Variants in SLC25A32 observed in about 807,000 individuals in gnomAD.
SLC25A32 encodes the protein solute carrier family 25 member 32.
Under a neutral mutation model 39.0 loss-of-function variants are expected in SLC25A32, and 32 were observed. The observed-to-expected ratio is 0.82, with a 90% CI of 0.62 to 1.10. The LOEUF is 1.10. Among genes scored for constraint, SLC25A32 ranks in the 50% least tolerant of loss-of-function variants. The probability of loss-of-function intolerance (pLI) is 0.00; values close to 1 mark genes in which losing one functional copy is unlikely to be tolerated. For synonymous variants in SLC25A32, 166 were observed against 152.4 expected (o/e 1.09, Z -0.66); for missense variants, 367 against 395.3 (o/e 0.93, Z 0.61).
chr8:103,402,073 T>A lies in SLC25A32; in HGVS notation c.553-19A>T. On this transcript the variant is annotated intron_variant, in intron 4 of 6. Transcript: ENST00000297578. Reference sequence around the variant, plus strand: ...CAAATCCCTACAAGGGAATGATTTTTAAAAAGCAAAACAACATACGTTTGA... The same window carrying A: ...CAAATCCCTACAAGGGAATGATTTTAAAAAAGCAAAACAACATACGTTTGA... The A allele has an allele frequency of 4.5e-6, 7 of 1,545,050 alleles. No individual in the cohort carries two copies. Among genetic ancestry groups the A allele is most frequent in the Non-Finnish European group, 6.2e-6 (7 of 1,132,134 alleles).
intron 3 of SLC25A32, among the ~76,000 whole-genome samples, chr8:103,403,607 GC>G (rs1272741538): frequency 6.6e-6 from 1 of 152,082 alleles, no homozygotes; most frequent in Non-Finnish European, 1.5e-5. Flanking sequence ...TGTAAGGATA[GC>G]AAAAATGTCT....
At chr8:103,408,152 ATT>A (rs1041369790) in intron 1 of SLC25A32, among the ~76,000 whole-genome samples, 1 of 140,604 alleles carries the variant, frequency 7.1e-6, no homozygotes. Context: ...TAATTTTTGT[ATT>A]TTTTTTTTTT....
chr8:103,401,586 C>G lies in SLC25A32; in HGVS notation c.742G>C (p.Val248Leu). 6.2e-7 allele frequency: 1 copy of G among 1,613,754 alleles called. No homozygotes were observed. The highest frequency in any genetic ancestry group is 8.5e-7 in the Non-Finnish European group (1 of 1,179,806). Reference sequence around the variant, plus strand: ...TGTTGATCCTGAAGACGAGCTCTTACGACTTGATATGGGTATGTTGCTGCG... The same window carrying G: ...TGTTGATCCTGAAGACGAGCTCTTAGGACTTGATATGGGTATGTTGCTGCG... ...AVAATYPYQV[V>L]RARLQDQHMF... Residue 248 changes from valine (V) to leucine (L), a missense_variant, in exon 6 of 7, where the codon GTA (valine) becomes CTA (leucine). Coordinates refer to ENST00000297578, the MANE Select transcript of SLC25A32 (RefSeq NM_030780.5).
chr8:103,406,045 C>T (rs1448801164), intron 2 of SLC25A32, among the ~76,000 whole-genome samples: 1 of 144,938 alleles, frequency 6.9e-6, no homozygotes, highest in Admixed American at 6.9e-5. Context: ...AACTCAAATT[C>T]ATGATGTGTG....
At chr8:103,403,426 A>C in intron 3 of SLC25A32, 102 bp from the exon 4 acceptor site, 1 of 787,860 alleles carries the variant, frequency 1.3e-6, no homozygotes. Context: ...AAAAAAAAAA[A>C]AAAAGATAAT....
At chr8:103,401,883 T>C in intron 5 of SLC25A32, 58 bp downstream of exon 5, 1 of 1,408,708 alleles carries the variant, frequency 7.1e-7, no homozygotes, top group East Asian at 2.3e-5. Flanking sequence ...GACAAAAATT[T>C]CTACCTATTA....
rs1426150190 is a variant in SLC25A32, at chr8:103,414,797, C to A, written c.141G>T (p.Lys47Asn). The change falls in exon 1 of 7, where the codon AAG becomes AAT. Residue 47 changes from lysine (K) to asparagine (N), a missense_variant. Transcript: ENST00000297578. Reference protein sequence around the residue: ...NLALHPLDLVKIRFAVSDGLE... With the variant: ...NLALHPLDLVNIRFAVSDGLE... ...GCGGGCTCTTACCGGCGAAGCGGAT[C>A]TTCACGAGGTCGAGCGGATGCAGCG... 6 of 1,613,770 alleles carry A rather than the reference C, an allele frequency of 3.7e-6. No homozygotes were observed. The highest frequency in any genetic ancestry group is 8.5e-7 in the Non-Finnish European group (1 of 1,180,034).
chr8:103,415,079 G>C lies in SLC25A32; in HGVS notation c.-142C>G, dbSNP rs2130463591. 6.2e-7 allele frequency: 1 copy of C among 1,609,442 alleles called. No individual in the cohort carries two copies. Among genetic ancestry groups the C allele is most frequent in the South Asian group, 1.1e-5 (1 of 90,842 alleles). Reference sequence around the variant, plus strand: ...ACGAGAGGACTCTTATGCCCAAGGCGCGTGAGCGAAGCCGGAGACTCTAGT... The same window carrying C: ...ACGAGAGGACTCTTATGCCCAAGGCCCGTGAGCGAAGCCGGAGACTCTAGT... On this transcript the variant is annotated 5_prime_UTR_variant, in exon 1 of 7. Transcript: ENST00000297578.
intron 1 of SLC25A32, among the ~76,000 whole-genome samples, 174 bp from the exon 2 acceptor site, chr8:103,407,958 AATATAT>A (rs141189562): frequency 1.4e-5 from 2 of 146,368 alleles, no homozygotes; most frequent in South Asian, 4.2e-4. Flanking sequence ...TATATATATA[AATATAT>A]ATATATATAA....
intron 4 of SLC25A32, 183 bp from the exon 5 acceptor site, chr8:103,402,237 C>T (rs1435241856): frequency 6.5e-6 from 3 of 459,172 alleles, no homozygotes; most frequent in Non-Finnish European, 1.2e-5. Context: ...GTAGTATTCT[C>T]TTCTACTTTA....
chr8:103,410,951 C>G (rs1371324269), intron 1 of SLC25A32, among the ~76,000 whole-genome samples: 1 of 152,158 alleles, frequency 6.6e-6, no homozygotes, highest in African/African-American at 2.4e-5. Flanking sequence ...GTTTGTCTCT[C>G]TTAATAAAAT....
chr8:103,407,857 G>C, intron 1 of SLC25A32, 73 bp from the exon 2 acceptor site: 1 of 1,240,924 alleles, frequency 8.1e-7, no homozygotes, highest in South Asian at 1.9e-5. Context: ...CACAGACACT[G>C]TACAATTGGT....
Position 103,404,879 on chromosome 8 carries a change from GAGC to G in SLC25A32, c.306-21_306-19del. On this transcript the variant is annotated intron_variant, in intron 2 of 6. Transcript: ENST00000297578. ...CATTGTAACTAAAAGAATTAAATGT[GAGC>G]AGTTTAATTTGAATAGGTGTCATTA... 6.4e-7 allele frequency: 1 copy of G among 1,555,690 alleles called. No individual in the cohort carries two copies. The highest frequency in any genetic ancestry group is 1.4e-5 in the African/African-American group (1 of 73,934).
intron 6 of SLC25A32, among the ~76,000 whole-genome samples, chr8:103,401,022 C>T (rs957564947): frequency 2.6e-5 from 4 of 152,150 alleles, no homozygotes; most frequent in African/African-American, 9.7e-5. Context: ...TTTAAACATC[C>T]TAAATGTTCT....
At chr8:103,414,017 A>G (rs3133817) in intron 1 of SLC25A32, among the ~76,000 whole-genome samples, 33,628 of 152,230 alleles carry the variant, frequency 0.22, 3,837 homozygotes, top group East Asian at 0.34. Flanking sequence ...ACAGCAGTCT[A>G]CAAATATTAA....
At chr8:103,414,314 A>G (rs1428065672) in intron 1 of SLC25A32, among the ~76,000 whole-genome samples, 1 of 152,220 alleles carries the variant, frequency 6.6e-6, no homozygotes, top group African/African-American at 2.4e-5. Flanking sequence ...TACAAATGCC[A>G]AAAAACAAAC....
In SLC25A32 at chr8:103,398,730, A is replaced by G. The variant is rs969038688; in HGVS notation, c.*1681T>C. On this transcript the variant is annotated 3_prime_UTR_variant, in exon 7 of 7. Transcript: ENST00000297578. ...GTGCTATCTTAAACACCAAATATCA[A>G]CTGCAGTTCACTTTTTCCGTGTGGG... 3 of 152,238 alleles carry G rather than the reference A, an allele frequency of 2.0e-5. No homozygotes were observed. The highest frequency in any genetic ancestry group is 4.4e-5 in the Non-Finnish European group (3 of 68,046). 9.4% of individuals were successfully genotyped at this position (152,238 alleles called of 1,614,324 possible).
chr8:103,403,349 A>T (rs751618866), intron 3 of SLC25A32, 25 bp from the exon 4 acceptor site: 1 of 1,547,446 alleles, frequency 6.5e-7, no homozygotes, highest in Admixed American at 1.8e-5. Flanking sequence ...CAATAAGATT[A>T]TTCAGCATAC....
At position 103,408,152 on chromosome 8, in the gene SLC25A32, AT is replaced by A. The variant is rs1041369790; in HGVS notation, c.155-369del. 9.5e-3 allele frequency among the ~76,000 whole-genome samples: 1,340 copies of A among 140,414 alleles called. 32 individuals carry two copies. The highest frequency in any genetic ancestry group is 0.064 in the Admixed American group (896 of 14,046). 92.1% of individuals were successfully genotyped at this position (140,414 alleles called of 152,430 possible). On this transcript the variant is annotated intron_variant, in intron 1 of 6. Coordinates refer to ENST00000297578, the MANE Select transcript of SLC25A32 (RefSeq NM_030780.5). ...ATCACCATGCCCAGCTAATTTTTGT[AT>A]TTTTTTTTTTTTAAGTACAGACAGG...
Sources: allele counts gnomAD v4.1 joint callset (sites outside exome capture counted in the v4.1 genomes callset), GRCh38; gene constraint gnomAD v4.1.1; transcripts MANE v1.5; gene names NCBI Gene and HGNC (gene_info 2026-07-23, HGNC 2026-07-21).